GSAP: variants seen among roughly 807,000 people sequenced by gnomAD.
GSAP encodes gamma-secretase activating protein.
GSAP carries 118 observed loss-of-function variants against 131.7 expected under a neutral mutation model. The observed-to-expected ratio is 0.90, with a 90% confidence interval of 0.77 to 1.04. The LOEUF (loss-of-function observed/expected upper bound fraction) is 1.04, where lower values mean the gene tolerates loss of function less well. Among genes scored for constraint, GSAP ranks in the 50% least tolerant of loss-of-function variants. The pLI, the probability that GSAP is intolerant of heterozygous loss-of-function variation, is 0.00. For synonymous variants in GSAP, 381 were observed against 363.4 expected, an observed-to-expected ratio of 1.05 and a Z score of -0.55; for missense variants, 1,019 against 1,013.2, an observed-to-expected ratio of 1.01 and a Z score of -0.08.
At chr7:77,400,572 T>A (rs902746455) in intron 3 of GSAP, among the ~76,000 whole-genome samples, 1 of 152,160 alleles carries the variant, frequency 6.6e-6, no homozygotes, top group East Asian at 1.9e-4. Context: ...CTAGCAGTAG[T>A]AGGTTGTACC....
intron 18 of GSAP, among the ~76,000 whole-genome samples, chr7:77,351,991 G>A (rs1792933958): frequency 6.6e-6 from 1 of 152,184 alleles, no homozygotes; most frequent in Non-Finnish European, 1.5e-5. Context: ...AACAAGTTCA[G>A]GCCTTTCTTT....
intron 1 of GSAP, among the ~76,000 whole-genome samples, chr7:77,409,790 T>C (rs1367837078): frequency 6.6e-6 from 1 of 152,228 alleles, no homozygotes; most frequent in Non-Finnish European, 1.5e-5. Flanking sequence ...TCCAATTTAC[T>C]TGCAAAAGCG....
chr7:77,349,554 A>G (rs1270836835), intron 18 of GSAP, 150 bp from the exon 19 acceptor site: 1 of 619,790 alleles, frequency 1.6e-6, no homozygotes, highest in Non-Finnish European at 2.9e-6. Flanking sequence ...GAGGGCATAA[A>G]TAACAGTGAA....
rs567085755 is a variant in GSAP, at chr7:77,312,094, A to G, written c.2373+7T>C. 3 of 1,563,830 alleles carry G rather than the reference A, an allele frequency of 1.9e-6. No homozygotes were observed. The highest frequency in any genetic ancestry group is 3.6e-5 in the Admixed American group (2 of 55,388). On this transcript the variant is annotated splice_region_variant and intron_variant, in intron 29 of 30. Transcript: ENST00000257626. The stretch of plus-strand genomic sequence containing the variant: ...ATTTAGTTGGCTGTGCTTTCAGAGA[A>G]ACTCACCTGTTTCTTATAGTTCTGA...
intron 30 of GSAP, 35 bp from the exon 31 acceptor site, chr7:77,311,484 G>C (rs993629173): frequency 9.6e-7 from 1 of 1,036,728 alleles, no homozygotes; most frequent in Non-Finnish European, 1.5e-6. Flanking sequence ...GGGAAAAAGG[G>C]TTACCATGGG....
At chr7:77,391,414 G>A (rs939857788) in intron 5 of GSAP, among the ~76,000 whole-genome samples, 2 of 152,162 alleles carry the variant, frequency 1.3e-5, no homozygotes, top group African/African-American at 4.8e-5. Context: ...GAAAAAGGAA[G>A]CATCGTGAAT....
chr7:77,323,544 C>A lies in GSAP; in HGVS notation c.1923+103G>T. On this transcript the variant is annotated intron_variant, in intron 24 of 30. Coordinates refer to ENST00000257626, the MANE Select transcript of GSAP (RefSeq NM_017439.4). The stretch of plus-strand genomic sequence containing the variant: ...TTAAGAACGGGAGATCTCCAAAAAT[C>A]TAATTTGAAAAACACATAAATGGGT... The A allele has an allele frequency of 7.1e-6, 4 of 564,354 alleles. No individual in the cohort carries two copies. In the South Asian group the frequency reaches 1.0e-4, roughly 14 times the overall value. 35.0% of individuals were successfully genotyped at this position (564,354 alleles called of 1,614,324 possible).
chr7:77,363,914 T>C (rs1294961462), intron 12 of GSAP, among the ~76,000 whole-genome samples: 1 of 151,982 alleles, frequency 6.6e-6, no homozygotes, highest in African/African-American at 2.4e-5. Context: ...ATAAACAAAA[T>C]AATAATTATA....
chr7:77,326,101 C>T, intron 23 of GSAP, 111 bp downstream of exon 23: 1 of 758,340 alleles, frequency 1.3e-6, no homozygotes, highest in Non-Finnish European at 2.2e-6. Context: ...GCAAAACATA[C>T]TTGTGCAAAG....
At chr7:77,410,360 C>A (rs1803051296) in intron 1 of GSAP, among the ~76,000 whole-genome samples, 1 of 152,102 alleles carries the variant, frequency 6.6e-6, no homozygotes, top group African/African-American at 2.4e-5. Flanking sequence ...GACGAGTTGC[C>A]CATGTCTTAA....
intron 19 of GSAP, among the ~76,000 whole-genome samples, chr7:77,343,469 G>A (rs1791318710): frequency 6.6e-6 from 1 of 152,166 alleles, no homozygotes; most frequent in African/African-American, 2.4e-5. Flanking sequence ...CACTATGCAA[G>A]GGTCCTCCAT....
chr7:77,411,219 G>T (rs979196142), intron 1 of GSAP, among the ~76,000 whole-genome samples: 4 of 151,850 alleles, frequency 2.6e-5, no homozygotes, highest in Admixed American at 2.0e-4. Context: ...TCAGTCACTT[G>T]GTAAAATATA....
intron 19 of GSAP, among the ~76,000 whole-genome samples, chr7:77,346,214 G>A (rs563003672): frequency 4.7e-4 from 61 of 130,680 alleles, no homozygotes; most frequent in Non-Finnish European, 7.6e-4. Flanking sequence ...AGGCTGCAGT[G>A]AGCCGAGATC....
At chr7:77,332,649 G>T (rs1288078460) in intron 19 of GSAP, among the ~76,000 whole-genome samples, 1 of 152,094 alleles carries the variant, frequency 6.6e-6, no homozygotes, top group African/African-American at 2.4e-5. Flanking sequence ...GAAGGAAAAA[G>T]ATCTGAATTT....
At chr7:77,384,047 A>G (rs1037664774) in intron 6 of GSAP, among the ~76,000 whole-genome samples, 3 of 152,254 alleles carry the variant, frequency 2.0e-5, no homozygotes, top group African/African-American at 7.2e-5. Context: ...ATACAGAACT[A>G]ATTGTCTCAT....
intron 12 of GSAP, among the ~76,000 whole-genome samples, chr7:77,366,604 A>G (rs1406196562): frequency 6.6e-6 from 1 of 152,172 alleles, no homozygotes; most frequent in African/African-American, 2.4e-5. Context: ...CTGTTTTGGT[A>G]ACAGTACCAT....
intron 19 of GSAP, among the ~76,000 whole-genome samples, chr7:77,348,432 G>A (rs909143139): frequency 6.6e-6 from 1 of 151,976 alleles, no homozygotes; most frequent in Non-Finnish European, 1.5e-5. Flanking sequence ...CCTGGCCCCC[G>A]ATCTACCCTC....
intron 19 of GSAP, among the ~76,000 whole-genome samples, chr7:77,344,780 T>C (rs1231873621): frequency 2.6e-5 from 4 of 152,138 alleles, no homozygotes; most frequent in Non-Finnish European, 4.4e-5. Flanking sequence ...TTGTTCCCAT[T>C]CTTATGCCAC....
intron 23 of GSAP, 91 bp downstream of exon 23, chr7:77,326,121 T>G (rs1788298852): frequency 2.4e-6 from 2 of 845,780 alleles, no homozygotes; most frequent in Non-Finnish European, 3.8e-6. Context: ...GAATAAAGAA[T>G]AAGATCAGAA....
Sources: gnomAD v4.1 joint callset for allele counts (sites outside exome capture counted in the v4.1 genomes callset) on GRCh38, gnomAD v4.1.1 for gene constraint, MANE v1.5 for transcripts, NCBI Gene and HGNC (gene_info 2026-07-23, HGNC 2026-07-21) for gene names.